Variants in MEGF11 observed in about 807,000 individuals in gnomAD.
The protein encoded by MEGF11 is multiple epidermal growth factor-like domains protein 11.
Under a neutral mutation model 146.6 loss-of-function variants are expected in MEGF11, and 126 were observed. The observed-to-expected ratio is 0.86, with a 90% CI of 0.74 to 1.00. The LOEUF (loss-of-function observed/expected upper bound fraction) is 1.00. Ranked by LOEUF, MEGF11 falls within the 50% of genes least tolerant of loss-of-function variation. The pLI, the probability that MEGF11 is intolerant of heterozygous loss-of-function variation, is 0.00. For missense variants in MEGF11, 1,509 were observed against 1,521.2 expected, an observed-to-expected ratio of 0.99 and a Z score of 0.13; for synonymous variants, 532 against 583.4, an observed-to-expected ratio of 0.91 and a Z score of 1.27.
At chr15:66,197,966 T>C (rs1725807524) in intron 1 of MEGF11, among the ~76,000 whole-genome samples, 1 of 152,214 alleles carries the variant, frequency 6.6e-6, no homozygotes, top group Admixed American at 6.5e-5. Flanking sequence ...GGTGCATGCC[T>C]GTAATCCCAG....
chr15:65,985,547 T>A (rs536362554), intron 5 of MEGF11, among the ~76,000 whole-genome samples: 1 of 152,160 alleles, frequency 6.6e-6, no homozygotes, highest in Admixed American at 6.5e-5. Context: ...TCGCAGGGCA[T>A]ACAGTTATGC....
chr15:66,038,974 G>A (rs1178884275), intron 5 of MEGF11, among the ~76,000 whole-genome samples: 1 of 152,168 alleles, frequency 6.6e-6, no homozygotes, highest in Non-Finnish European at 1.5e-5. Flanking sequence ...GCAGTCTAGG[G>A]AATGGTTCTC....
At chr15:66,018,489 G>A (rs2082973780) in intron 5 of MEGF11, among the ~76,000 whole-genome samples, 1 of 152,246 alleles carries the variant, frequency 6.6e-6, no homozygotes, top group Admixed American at 6.5e-5. Flanking sequence ...GAAGAGTAAG[G>A]TGAACCCCAG....
intron 8 of MEGF11, among the ~76,000 whole-genome samples, chr15:65,965,708 A>C (rs1192961047): frequency 6.7e-6 from 1 of 148,682 alleles, no homozygotes; most frequent in African/African-American, 2.5e-5. Context: ...CCCTCATCAG[A>C]CACCAAACCT....
intron 5 of MEGF11, among the ~76,000 whole-genome samples, chr15:66,000,868 G>C (rs1253442349): frequency 6.6e-6 from 1 of 152,242 alleles, no homozygotes; most frequent in Non-Finnish European, 1.5e-5. Flanking sequence ...AGGAAGAGGA[G>C]GATAGCCTCA....
chr15:66,199,840 G>T (rs186304309), intron 1 of MEGF11, among the ~76,000 whole-genome samples: 8 of 152,056 alleles, frequency 5.3e-5, no homozygotes, highest in Admixed American at 5.2e-4. Flanking sequence ...TGTAAAAAAA[G>T]TCCCTTGAAA....
chr15:66,038,898 G>C (rs939584459), intron 5 of MEGF11, among the ~76,000 whole-genome samples: 97 of 152,158 alleles, frequency 6.4e-4, no homozygotes, highest in Non-Finnish European at 2.5e-4. Context: ...TCCAGGGAAG[G>C]CTTAGTTTAA....
intron 5 of MEGF11, among the ~76,000 whole-genome samples, chr15:65,988,071 G>C (rs1431131481): frequency 6.8e-6 from 1 of 147,602 alleles, no homozygotes; most frequent in Non-Finnish European, 1.5e-5. Flanking sequence ...GCAGTGGTGC[G>C]ATATCTGCTC....
chr15:65,954,702 T>C (rs1215999295), intron 10 of MEGF11, among the ~76,000 whole-genome samples: 3 of 152,188 alleles, frequency 2.0e-5, no homozygotes, highest in Admixed American at 2.0e-4. Flanking sequence ...CAGGAAGTCA[T>C]TTGCATCTCA....
At chr15:66,170,485 G>A (rs774713492) in intron 1 of MEGF11, among the ~76,000 whole-genome samples, 7 of 152,206 alleles carry the variant, frequency 4.6e-5, no homozygotes, top group Non-Finnish European at 8.8e-5. Flanking sequence ...CAGTAGCTGC[G>A]ATGGGTTCAG....
chr15:66,121,174 T>C (rs2088006287), intron 3 of MEGF11, among the ~76,000 whole-genome samples: 1 of 152,190 alleles, frequency 6.6e-6, no homozygotes, highest in African/African-American at 2.4e-5. Flanking sequence ...TGGTGATGGA[T>C]GGCAGCCCTA....
At chr15:65,923,102 C>A in intron 13 of MEGF11, 133 bp from the exon 14 acceptor site, 1 of 950,988 alleles carries the variant, frequency 1.1e-6, no homozygotes, top group Non-Finnish European at 1.5e-6. Context: ...GAGGAGAAAC[C>A]CGGCTGAGGC....
At chr15:66,167,349 G>T (rs1251357262) in intron 1 of MEGF11, among the ~76,000 whole-genome samples, 1 of 152,148 alleles carries the variant, frequency 6.6e-6, no homozygotes, top group East Asian at 1.9e-4. Flanking sequence ...AGCTAAAGAA[G>T]GCCCATGGAT....
intron 1 of MEGF11, among the ~76,000 whole-genome samples, chr15:66,227,826 A>T (rs1298638911): frequency 1.3e-5 from 2 of 152,182 alleles, no homozygotes; most frequent in African/African-American, 4.8e-5. Flanking sequence ...CAGCCCACTT[A>T]GACAGTAGAT....
chr15:65,999,821 T>G (rs1308855505), intron 5 of MEGF11, among the ~76,000 whole-genome samples: 2 of 152,154 alleles, frequency 1.3e-5, no homozygotes, highest in Non-Finnish European at 2.9e-5. Flanking sequence ...GCAAGTAAAT[T>G]AATTAGGTAG....
intron 5 of MEGF11, among the ~76,000 whole-genome samples, chr15:66,051,554 C>T (rs557533125): frequency 5.7e-4 from 87 of 152,316 alleles, no homozygotes; most frequent in Middle Eastern, 3.4e-3. Flanking sequence ...TCAAAGGCTT[C>T]CCCCTGCCCA....
At chr15:66,221,865 A>G (rs2091746328) in intron 1 of MEGF11, among the ~76,000 whole-genome samples, 1 of 151,638 alleles carries the variant, frequency 6.6e-6, no homozygotes, top group South Asian at 2.1e-4. Flanking sequence ...CTTCAATCCC[A>G]TTACATAAAG....
intron 10 of MEGF11, among the ~76,000 whole-genome samples, chr15:65,942,607 T>C (rs1206217248): frequency 6.6e-6 from 1 of 152,152 alleles, no homozygotes; most frequent in Non-Finnish European, 1.5e-5. Flanking sequence ...GCATCCCACA[T>C]CCAGGCAGGT....
At chr15:66,248,709 C>T (rs895576076) in intron 1 of MEGF11, among the ~76,000 whole-genome samples, 3 of 152,230 alleles carry the variant, frequency 2.0e-5, no homozygotes, top group Admixed American at 1.3e-4. Flanking sequence ...AAGCAAGGTA[C>T]TCACACTTGG....
Sources: gnomAD v4.1 joint callset for allele counts (sites outside exome capture counted in the v4.1 genomes callset) on GRCh38, gnomAD v4.1.1 for gene constraint, MANE v1.5 for transcripts, NCBI Gene and HGNC (gene_info 2026-07-23, HGNC 2026-07-21) for gene names.